The following PHF3 variants were observed in gnomAD, a reference collection of about 807,000 sequenced individuals.
PHF3 encodes the protein PHD finger protein 3.
PHF3 carries 41 observed loss-of-function variants against 178.4 expected under a neutral mutation model. The observed-to-expected ratio is 0.23, with a 90% CI of 0.18 to 0.30. The LOEUF is 0.30. PHF3 is among the 10% of genes least tolerant of loss of function. The pLI is 1.00. For synonymous variants in PHF3, 842 were observed against 800.5 expected (o/e 1.05, Z -0.88); for missense variants, 2,346 against 2,398.1 (o/e 0.98, Z 0.45).
At chr6:63,645,134 TC>T (rs1764731329) in intron 1 of PHF3, among the ~76,000 whole-genome samples, 1 of 152,084 alleles carries the variant, frequency 6.6e-6, no homozygotes, top group Non-Finnish European at 1.5e-5. Context: ...TCTGCCCACT[TC>T]CCGAAGTGCT....
intron 2 of PHF3, among the ~76,000 whole-genome samples, chr6:63,662,746 G>A (rs1413026348): frequency 6.6e-6 from 1 of 152,132 alleles, no homozygotes; most frequent in Non-Finnish European, 1.5e-5. Context: ...TATCAAATAT[G>A]TGCTTACATA....
intron 2 of PHF3, among the ~76,000 whole-genome samples, chr6:63,648,530 C>G (rs1439311597): frequency 3.9e-5 from 6 of 152,094 alleles, no homozygotes; most frequent in Non-Finnish European, 5.9e-5. Flanking sequence ...ATTCCTACTT[C>G]CTGTCCTTTT....
chr6:63,686,130 C>T (rs937445643), intron 4 of PHF3: 10 of 496,728 alleles, frequency 2.0e-5, no homozygotes, highest in African/African-American at 1.4e-4. Context: ...ATAGTCTGGC[C>T]AACAGCTGAC....
chr6:63,699,258 T>C (rs1767369280), intron 8 of PHF3, among the ~76,000 whole-genome samples: 1 of 152,190 alleles, frequency 6.6e-6, no homozygotes, highest in Non-Finnish European at 1.5e-5. Context: ...GCAAAAATCA[T>C]GCCAGCGAAC....
intron 6 of PHF3, 139 bp from the exon 7 acceptor site, chr6:63,698,084 A>G: frequency 1.6e-6 from 1 of 626,588 alleles, no homozygotes; most frequent in Non-Finnish European, 2.7e-6. Context: ...AGTGTCAGGA[A>G]TATTTCAATA....
chr6:63,713,235 A>T lies in PHF3; in HGVS notation c.5647A>T (p.Asn1883Tyr). The change falls in exon 16 of 16, where the codon AAT becomes TAT. Residue 1883 changes from asparagine (N) to tyrosine (Y), a missense_variant. By Grantham distance (143) the Asn-to-Tyr change is moderately radical. Coordinates refer to ENST00000262043, the MANE Select transcript of PHF3 (RefSeq NM_001370348.2). ...AGCATCAAGGTATATAGGCCCGCAG[A>T]ATTTTTACCAGGTTAAAGACATTCG... ...SQASRYIGPQ[N>Y]FYQVKDIRRP... The T allele has an allele frequency of 6.2e-7, 1 of 1,614,036 alleles. No homozygotes were observed. Among genetic ancestry groups the T allele is most frequent in the Non-Finnish European group, 8.5e-7 (1 of 1,179,976 alleles).
intron 3 of PHF3, among the ~76,000 whole-genome samples, chr6:63,680,605 A>C (rs997897560): frequency 6.6e-6 from 1 of 151,930 alleles, no homozygotes; most frequent in African/African-American, 2.4e-5. Context: ...GCTATTAGAG[A>C]TGATACATTT....
chr6:63,696,436 C>G (rs934008205), intron 6 of PHF3, among the ~76,000 whole-genome samples: 2 of 150,856 alleles, frequency 1.3e-5, no homozygotes, highest in Non-Finnish European at 3.0e-5. Context: ...CCTCTCGCCT[C>G]AACCTCCTGA....
In PHF3 at chr6:63,684,723, A is replaced by G; in HGVS notation, c.1001A>G (p.His334Arg). 3 of 1,613,746 alleles carry G rather than the reference A, an allele frequency of 1.9e-6. No homozygotes were observed. The highest frequency in any genetic ancestry group is 2.5e-6 in the Non-Finnish European group (3 of 1,179,716). ...GTAAAATTATCCCATGAAGATGACC[A>G]TATTCTTGAGGACGCTGGATCTTCT... ...ETVKLSHEDD[H>R]ILEDAGSSDI... Residue 334 changes from histidine (H) to arginine (R), a missense_variant, in exon 4 of 16, where the codon CAT becomes CGT. His to Arg is a conservative substitution (Grantham distance 29). Around this residue, in one of 8 missense-constraint regions of PHF3, gnomAD observed 843 missense variants for 795.2 expected, o/e 1.06. Transcript: ENST00000262043.
At chr6:63,659,688 G>A (rs142278880) in intron 2 of PHF3, among the ~76,000 whole-genome samples, 5 of 152,240 alleles carry the variant, frequency 3.3e-5, no homozygotes, top group African/African-American at 9.6e-5. Flanking sequence ...ATACTTACTC[G>A]TTCAGCAAGC....
At chr6:63,672,541 G>A (rs746780070) in intron 2 of PHF3, among the ~76,000 whole-genome samples, 1 of 152,110 alleles carries the variant, frequency 6.6e-6, no homozygotes, top group African/African-American at 2.4e-5. Flanking sequence ...TTATTATAAT[G>A]TCCTATATTT....
rs775398034 is a variant in PHF3 at position 63,721,762 on chromosome 6, C to T, written c.*8054C>T. On this transcript the variant is annotated 3_prime_UTR_variant, in exon 16 of 16. Transcript: ENST00000262043. ...TCGCCAAGGTTGTAGCGAAGTTGAA[C>T]GGAACTATTTACTAAAGAGATGCAT... The T allele has an allele frequency of 3.9e-6, 6 of 1,550,906 alleles. No individual in the cohort carries two copies. Among genetic ancestry groups the T allele is most frequent in the South Asian group, 1.2e-5 (1 of 83,982 alleles).
rs371109942 is a variant in PHF3, at chr6:63,713,431, G to C, written c.5843G>C (p.Arg1948Pro). ...EWEQESERHR[R>P]RDRSQDKDRD... ...GAGCAAGAATCTGAAAGGCATAGAC[G>C]CAGAGACAGAAGCCAAGACAAGGAC... Residue 1948 changes from arginine to proline, a missense_variant, in exon 16 of 16, where the codon CGC (arginine) becomes CCC (proline). Coordinates refer to ENST00000262043, the MANE Select transcript of PHF3 (RefSeq NM_001370348.2). 1 of 1,613,922 alleles carries C rather than the reference G, an allele frequency of 6.2e-7. No homozygotes were observed. Among genetic ancestry groups the C allele is most frequent in the South Asian group, 1.1e-5 (1 of 91,076 alleles).
At position 63,664,020 on chromosome 6, in the gene PHF3, AT is replaced by A. The variant is rs375015958; in HGVS notation, c.245-15972del. On this transcript the variant is annotated intron_variant, in intron 2 of 15. Coordinates refer to ENST00000262043, the MANE Select transcript of PHF3 (RefSeq NM_001370348.2). Reference sequence around the variant, plus strand: ...TCAGTAAGGTAGATTGAAAAGTGTCATTTTTTTTATGGGTAACCATGTACCC... The same window carrying A: ...TCAGTAAGGTAGATTGAAAAGTGTCATTTTTTTATGGGTAACCATGTACCC... 4.0e-3 allele frequency among the ~76,000 whole-genome samples: 615 copies of A among 152,178 alleles called. 6 individuals are homozygous for A. The highest frequency in any genetic ancestry group is 0.014 in the African/African-American group (591 of 41,532).
chr6:63,710,982 T>G (rs1390468466), intron 14 of PHF3, among the ~76,000 whole-genome samples, 185 bp from the exon 15 acceptor site: 2 of 152,194 alleles, frequency 1.3e-5, no homozygotes, highest in Non-Finnish European at 2.9e-5. Context: ...AATGGATCAG[T>G]AAAGATCTTT....
chr6:63,705,528 T>A (rs1767653297), intron 11 of PHF3, among the ~76,000 whole-genome samples: 1 of 152,196 alleles, frequency 6.6e-6, no homozygotes, highest in African/African-American at 2.4e-5. Context: ...CTTATGAGAA[T>A]CTAACTATTA....
intron 2 of PHF3, among the ~76,000 whole-genome samples, chr6:63,672,035 G>T (rs1765941234): frequency 6.6e-6 from 1 of 152,170 alleles, no homozygotes; most frequent in Non-Finnish European, 1.5e-5. Flanking sequence ...TAGAGATGGG[G>T]TTTTACCATG....
chr6:63,670,494 G>A (rs182603832), intron 2 of PHF3, among the ~76,000 whole-genome samples: 23 of 152,012 alleles, frequency 1.5e-4, no homozygotes, highest in African/African-American at 5.1e-4. Flanking sequence ...GGTCTCGTTA[G>A]CCAGGATGGT....
At chr6:63,683,262 A>T (rs956706361) in intron 3 of PHF3, among the ~76,000 whole-genome samples, 19 of 151,880 alleles carry the variant, frequency 1.3e-4, no homozygotes. Flanking sequence ...AGATTCTCAC[A>T]GTTCAGTGAT....
Sources: allele counts gnomAD v4.1 joint callset (sites outside exome capture counted in the v4.1 genomes callset), GRCh38; gene constraint gnomAD v4.1.1; regional missense constraint gnomAD v4.1.1; transcripts MANE v1.5; gene names NCBI Gene and HGNC (gene_info 2026-07-23, HGNC 2026-07-21).